The following MICALL1 variants were observed in gnomAD, a reference collection of about 807,000 sequenced individuals.
MICALL1 encodes the protein MICAL like 1.
A neutral mutation model predicts 83.7 loss-of-function variants in MICALL1; 61 were observed. That is an observed-to-expected ratio of 0.73 (90% confidence interval 0.59 to 0.90). The LOEUF (loss-of-function observed/expected upper bound fraction) is 0.90. Among genes scored for constraint, MICALL1 ranks in the 40% least tolerant of loss-of-function variants. The probability of loss-of-function intolerance (pLI) is 0.00; values close to 1 mark genes in which losing one functional copy is unlikely to be tolerated. For missense variants in MICALL1, 1,066 were observed against 1,152.0 expected (o/e 0.93, Z 1.08); for synonymous variants, 481 against 473.6 (o/e 1.02, Z -0.20).
intron 3 of MICALL1, among the ~76,000 whole-genome samples, chr22:37,916,136 T>C (rs2145892671): frequency 6.6e-6 from 1 of 152,308 alleles, no homozygotes; most frequent in African/African-American, 2.4e-5. Flanking sequence ...AGCTCATTCG[T>C]TGGCCCTCTC....
At position 37,925,833 on chromosome 22, in the gene MICALL1, C is replaced by G. The variant is rs762305913; in HGVS notation, c.1255C>G (p.Leu419Val). The G allele has an allele frequency of 6.8e-6, 11 of 1,613,820 alleles. No individual in the cohort carries two copies. Among genetic ancestry groups the G allele is most frequent in the Non-Finnish European group, 7.6e-6 (9 of 1,180,012 alleles). Residue 419 changes from leucine (L) to valine (V), a missense_variant, in exon 8 of 16, where the codon CTG becomes GTG. By Grantham distance (32) the Leu-to-Val change is conservative (BLOSUM62 1). Transcript: ENST00000215957. ...GGCCCAGCCGAGCCCAACGGCCAGC[C>G]TGGAGTCCAAACCCTATAACCCCTT... is the stretch of plus-strand genomic sequence containing the variant. ...EVAQPSPTAS[L>V]ESKPYNPFEE...
At chr22:37,927,190 C>T in intron 8 of MICALL1, 1 of 532,724 alleles carries the variant, frequency 1.9e-6, no homozygotes, top group Non-Finnish European at 3.3e-6. Context: ...AGGCAGCAGG[C>T]AGAACGCAAG....
intron 1 of MICALL1, among the ~76,000 whole-genome samples, chr22:37,908,978 G>C (rs1191644799): frequency 6.6e-6 from 1 of 152,178 alleles, no homozygotes; most frequent in Admixed American, 6.6e-5. Flanking sequence ...GATGCAGTTG[G>C]GACAGATGGC....
At chr22:37,937,840 A>G (rs1403740864) in intron 15 of MICALL1, 48 bp downstream of exon 15, 5 of 1,610,326 alleles carry the variant, frequency 3.1e-6, no homozygotes, top group Non-Finnish European at 4.2e-6. Context: ...GAACTTCGGC[A>G]TTGGGGTTGG....
At position 37,920,765 on chromosome 22, in the gene MICALL1, C is replaced by CA. The variant is rs936145360; in HGVS notation, c.570-1199dup. 2.0e-4 allele frequency among the ~76,000 whole-genome samples: 31 copies of CA among 151,618 alleles called. No individual in the cohort carries two copies. In the East Asian group the frequency reaches 2.7e-3, roughly 13 times the overall value. On this transcript the variant is annotated intron_variant, in intron 5 of 15. Transcript: ENST00000215957. ...TGAAACCCCGTCTCTACTAAAAATA[C>CA]AAAAAAAATTAGCCGGGCATGGTGG...
chr22:37,932,505 C>T lies in MICALL1; in HGVS notation c.2017-48C>T, dbSNP rs777612096. ...CTGGCCAGAGAAGAGGGCAAGGCTC[C>T]TGGCAGCAACCAGGCAGGCCGTCAG... is the stretch of plus-strand genomic sequence containing the variant. On this transcript the variant is annotated intron_variant, in intron 10 of 15. Coordinates refer to ENST00000215957, the MANE Select transcript of MICALL1 (RefSeq NM_033386.4). This position sits in a 1 kb window ranked among gnomAD's most constrained non-coding sequence, Gnocchi z 4.4. 3.0e-5 allele frequency: 49 copies of T among 1,607,060 alleles called. No homozygotes were observed. The highest frequency in any genetic ancestry group is 4.0e-5 in the Non-Finnish European group (47 of 1,175,648).
Position 37,927,518 on chromosome 22 carries a change from G to A in MICALL1, c.1573G>A (p.Ala525Thr). The part of the protein sequence containing the change: ...SSESASQTAG[A>T]ELLEPPAVPK... Reference sequence around the variant, plus strand: ...TGAGAGCGCCAGCCAGACTGCAGGTGCAGAGCTTCTGGAGCCGCCAGCTGT... The same window carrying A: ...TGAGAGCGCCAGCCAGACTGCAGGTACAGAGCTTCTGGAGCCGCCAGCTGT... The change falls in exon 9 of 16, where the codon GCA becomes ACA. Residue 525 changes from alanine to threonine, a missense_variant. Coordinates refer to ENST00000215957, the MANE Select transcript of MICALL1 (RefSeq NM_033386.4). 6.2e-7 allele frequency: 1 copy of A among 1,613,312 alleles called. No homozygotes were observed. Among genetic ancestry groups the A allele is most frequent in the Non-Finnish European group, 8.5e-7 (1 of 1,179,350 alleles).
chr22:37,917,087 G>C (rs1031030777), intron 3 of MICALL1, among the ~76,000 whole-genome samples: 1 of 152,084 alleles, frequency 6.6e-6, no homozygotes, highest in African/African-American at 2.4e-5. Flanking sequence ...GGCCAGGCTG[G>C]TCTTGAACTC....
At chr22:37,937,248 T>C in intron 14 of MICALL1, 54 bp downstream of exon 14, 2 of 1,397,228 alleles carry the variant, frequency 1.4e-6, no homozygotes, top group Non-Finnish European at 2.0e-6. Flanking sequence ...CAGGTCAGGC[T>C]CTGGGCCTCA....
At chr22:37,934,914 T>TA in intron 13 of MICALL1, among the ~76,000 whole-genome samples, 1 of 145,136 alleles carries the variant, frequency 6.9e-6, no homozygotes, top group African/African-American at 2.5e-5. Flanking sequence ...TTATTTATTT[T>TA]ATTTTATTTA....
chr22:37,924,683 C>G lies in MICALL1; in HGVS notation c.1048C>G (p.Pro350Ala). ...VNGRLHELPVPKPRGTPKPSE... is the reference protein window; with the variant it reads ...VNGRLHELPVAKPRGTPKPSE... The stretch of plus-strand genomic sequence containing the variant: ...AGGGAGACTGCACGAACTGCCTGTC[C>G]CCAAGCCGAGGGGGACACCGAAGCC... The change falls in exon 7 of 16, where the codon CCC becomes GCC. Residue 350 changes from proline to alanine, a missense_variant. Physicochemically the swap from Pro to Ala is conservative, Grantham distance 27. Transcript: ENST00000215957. This position sits in a 1 kb window ranked among gnomAD's most constrained non-coding sequence, Gnocchi z 5.2. 6.2e-7 allele frequency: 1 copy of G among 1,612,306 alleles called. No homozygotes were observed.
chr22:37,927,159 A>T (rs568987641), intron 8 of MICALL1: 79 of 485,458 alleles, frequency 1.6e-4, no homozygotes, highest in Non-Finnish European at 1.3e-4. Context: ...CATGGGGGCT[A>T]TGGGGAGTGT....
chr22:37,932,084 A>C lies in MICALL1; in HGVS notation c.2016+151A>C. The C allele has an allele frequency of 8.3e-7, 1 of 1,198,582 alleles. No individual in the cohort carries two copies. 74.2% of individuals were successfully genotyped at this position (1,198,582 alleles called of 1,614,324 possible). A position where few individuals can be genotyped will look rare whatever the true frequency, so the allele number is the denominator to read the frequency against. ...AGAGCACTCTTGGCGGCCCAACTGGAAGGTCTAGCTTGCAGCCTGGAGGGA... is the reference window on the plus strand; with the variant it reads ...AGAGCACTCTTGGCGGCCCAACTGGCAGGTCTAGCTTGCAGCCTGGAGGGA... On this transcript the variant is annotated intron_variant, in intron 10 of 15. Coordinates refer to ENST00000215957, the MANE Select transcript of MICALL1 (RefSeq NM_033386.4). The surrounding 1 kb of genome is among the most constrained non-coding windows in gnomAD (Gnocchi z 4.4).
chr22:37,935,391 G>C (rs1009073081), intron 13 of MICALL1, among the ~76,000 whole-genome samples: 1 of 151,772 alleles, frequency 6.6e-6, no homozygotes, highest in African/African-American at 2.4e-5. Flanking sequence ...CTCCCGTGTA[G>C]CTGGGACTAC....
Position 37,906,594 on chromosome 22 carries a change from G to A in MICALL1, c.146+26G>A, listed in dbSNP as rs572880709. 317 of 1,157,684 alleles carry A rather than the reference G, an allele frequency of 2.7e-4. No homozygotes were observed. The highest frequency in any genetic ancestry group is 3.3e-4 in the Non-Finnish European group (308 of 936,124). The allele number at this position is 1,157,684 out of a possible 1,614,324, so 71.7% of individuals were successfully genotyped here. On this transcript the variant is annotated intron_variant, in intron 1 of 15. Transcript: ENST00000215957. This position sits in a 1 kb window ranked among gnomAD's most constrained non-coding sequence, Gnocchi z 4.4. The stretch of plus-strand genomic sequence containing the variant: ...GTGAGTGCGGGGCCCCGGGCGAGCG[G>A]GCGGCGCGGGGCGGGCTGGGGCCGC...
chr22:37,939,324 G>C (rs933870586), intron 15 of MICALL1, among the ~76,000 whole-genome samples: 2 of 152,192 alleles, frequency 1.3e-5, no homozygotes, highest in Non-Finnish European at 2.9e-5. Context: ...CCTACAAAGG[G>C]CTCAGTTGGT....
rs867986061 is a variant in MICALL1 at position 37,912,010 on chromosome 22, C to T, written c.195+10C>T. 26 of 1,613,564 alleles carry T rather than the reference C, an allele frequency of 1.6e-5. No individual in the cohort carries two copies. The highest frequency in any genetic ancestry group is 5.3e-5 in the African/African-American group (4 of 74,780). ...CGAGAATAACCGTTTGGTAAGTTCC[C>T]GGACAGGTGGAAGCCCAAGAGGCTC... On this transcript the variant is annotated intron_variant, in intron 2 of 15. Coordinates refer to ENST00000215957, the MANE Select transcript of MICALL1 (RefSeq NM_033386.4).
At chr22:37,916,124 G>A (rs1292587905) in intron 3 of MICALL1, among the ~76,000 whole-genome samples, 2 of 152,168 alleles carry the variant, frequency 1.3e-5, no homozygotes, top group Non-Finnish European at 1.5e-5. Flanking sequence ...TTGGTGGTAC[G>A]CAGCTCATTC....
At position 37,906,886 on chromosome 22, in the gene MICALL1, C is replaced by T. The variant is rs1927994500; in HGVS notation, c.146+318C>T. Reference sequence around the variant, plus strand: ...ATCGCTGAACCCCTAAGCCCTTGACCTCTTTGAAGGGGTGTTGAGCCCTCT... The same window carrying T: ...ATCGCTGAACCCCTAAGCCCTTGACTTCTTTGAAGGGGTGTTGAGCCCTCT... On this transcript the variant is annotated intron_variant, in intron 1 of 15. Coordinates refer to ENST00000215957, the MANE Select transcript of MICALL1 (RefSeq NM_033386.4). The surrounding 1 kb of genome is among the most constrained non-coding windows in gnomAD (Gnocchi z 4.4). 6.3e-6 allele frequency: 1 copy of T among 158,064 alleles called. No homozygotes were observed. Among genetic ancestry groups the T allele is most frequent in the Non-Finnish European group, 1.4e-5 (1 of 72,188 alleles). The allele number at this position is 158,064 out of a possible 1,614,324, so 9.8% of individuals were successfully genotyped here.
Sources: allele counts gnomAD v4.1 joint callset (sites outside exome capture counted in the v4.1 genomes callset), GRCh38; gene constraint gnomAD v4.1.1; non-coding constraint Gnocchi (gnomAD v3.1); transcripts MANE v1.5; gene names NCBI Gene and HGNC (gene_info 2026-07-23, HGNC 2026-07-21).